Variants in ADAMTS19 observed in about 807,000 individuals in gnomAD.
ADAMTS19 encodes the protein A disintegrin and metalloproteinase with thrombospondin motifs 19.
In ADAMTS19, 93 loss-of-function variants were observed where a neutral mutation model predicts 153.3. That is an observed-to-expected ratio of 0.61 (90% CI 0.51 to 0.72). ADAMTS19 has a LOEUF of 0.72. Ranked by LOEUF, ADAMTS19 falls within the 30% of genes least tolerant of loss-of-function variation. The pLI, the probability that ADAMTS19 is intolerant of heterozygous loss-of-function variation, is 0.00. For missense variants in ADAMTS19, 1,482 were observed against 1,552.1 expected (o/e 0.95, Z 0.76); for synonymous variants, 600 against 556.6 (o/e 1.08, Z -1.10).
Position 129,461,083 on chromosome 5 carries a change from C to T in ADAMTS19, c.92-19C>T. 7.3e-7 allele frequency: 1 copy of T among 1,375,662 alleles called. No homozygotes were observed. The allele number at this position is 1,375,662 out of a possible 1,614,324, so 85.2% of individuals were successfully genotyped here. ...CCGCGGCACTTTAAGCCCCGCACTT[C>T]TGTCTGCCCCGCCCGCAGAGCTGCA... On this transcript the variant is annotated intron_variant, in intron 1 of 22. Coordinates refer to ENST00000274487, the MANE Select transcript of ADAMTS19 (RefSeq NM_133638.6). This position sits in a 1 kb window ranked among gnomAD's most constrained non-coding sequence, Gnocchi z 4.6.
At chr5:129,680,582 C>T (rs2127118097) in intron 17 of ADAMTS19, among the ~76,000 whole-genome samples, 1 of 152,044 alleles carries the variant, frequency 6.6e-6, no homozygotes, top group South Asian at 2.1e-4. Context: ...CACGCTGAAA[C>T]TCCGTCTCTA....
chr5:129,467,265 G>T (rs192432503), intron 2 of ADAMTS19, among the ~76,000 whole-genome samples: 1 of 152,070 alleles, frequency 6.6e-6, no homozygotes, highest in Non-Finnish European at 1.5e-5. Flanking sequence ...GGTGTGTGGC[G>T]TATTAAGTCA....
intron 2 of ADAMTS19, among the ~76,000 whole-genome samples, chr5:129,505,981 A>G (rs565114193): frequency 1.3e-4 from 20 of 152,310 alleles, no homozygotes; most frequent in African/African-American, 4.8e-4. Context: ...TAAAATTCAG[A>G]GGACGATATT....
intron 11 of ADAMTS19, among the ~76,000 whole-genome samples, chr5:129,642,996 G>A (rs1361493527): frequency 1.3e-5 from 2 of 152,074 alleles, no homozygotes; most frequent in Non-Finnish European, 2.9e-5. Context: ...GAGACAAATG[G>A]TCACAATGTA....
chr5:129,591,149 T>C (rs947716185), intron 7 of ADAMTS19, among the ~76,000 whole-genome samples: 1 of 152,212 alleles, frequency 6.6e-6, no homozygotes, highest in African/African-American at 2.4e-5. Flanking sequence ...CATTCAATGG[T>C]ATCACCAAGT....
intron 3 of ADAMTS19, among the ~76,000 whole-genome samples, chr5:129,524,252 T>G (rs1751924620): frequency 6.6e-6 from 1 of 151,990 alleles, no homozygotes; most frequent in African/African-American, 2.4e-5. Context: ...AAACTAGCCA[T>G]ACGCAGAAAA....
intron 7 of ADAMTS19, among the ~76,000 whole-genome samples, chr5:129,557,372 C>T (rs1461324875): frequency 2.0e-5 from 3 of 151,902 alleles, no homozygotes; most frequent in Admixed American, 6.6e-5. Flanking sequence ...CTGAGGCAGG[C>T]AGATTGCTTC....
chr5:129,734,935 T>C lies in ADAMTS19; in HGVS notation c.3316T>C (p.Ser1106Pro). Residue 1106 changes from serine (S) to proline (P), a missense_variant, in exon 22 of 23, where the codon TCA becomes CCA. Ser to Pro is a moderately conservative substitution (Grantham distance 74, BLOSUM62 -1). This residue lies in a region of ADAMTS19 where 616 missense variants were observed against 724.4 expected (regional missense o/e 0.85). Coordinates refer to ENST00000274487, the MANE Select transcript of ADAMTS19 (RefSeq NM_133638.6). Reference protein sequence around the residue: ...VWRMGDWSKCSITCGKGMQSR... With the variant: ...VWRMGDWSKCPITCGKGMQSR... ...ACAAACCTTGTATTTCTCCTAGTGC[T>C]CAATTACCTGTGGCAAAGGAATGCA... is the stretch of plus-strand genomic sequence containing the variant. 1 of 1,566,522 alleles carries C rather than the reference T, an allele frequency of 6.4e-7. No individual in the cohort carries two copies. The highest frequency in any genetic ancestry group is 8.6e-7 in the Non-Finnish European group (1 of 1,159,726).
intron 3 of ADAMTS19, among the ~76,000 whole-genome samples, chr5:129,521,569 T>C (rs558359146): frequency 6.6e-6 from 1 of 152,288 alleles, no homozygotes; most frequent in African/African-American, 2.4e-5. Context: ...TCTATGCATT[T>C]TGACCCCAAA....
At chr5:129,499,551 A>G (rs1030438381) in intron 2 of ADAMTS19, among the ~76,000 whole-genome samples, 7 of 152,140 alleles carry the variant, frequency 4.6e-5, no homozygotes, top group African/African-American at 1.2e-4. Flanking sequence ...AAAGGCCAGC[A>G]GTTTACAAGA....
chr5:129,532,224 T>C (rs1238006777), intron 6 of ADAMTS19, among the ~76,000 whole-genome samples: 1 of 152,122 alleles, frequency 6.6e-6, no homozygotes, highest in Non-Finnish European at 1.5e-5. Flanking sequence ...TTTGAGAAAA[T>C]AGTTGTCATG....
intron 2 of ADAMTS19, among the ~76,000 whole-genome samples, chr5:129,483,440 G>A (rs1750482966): frequency 6.6e-6 from 1 of 152,102 alleles, no homozygotes; most frequent in Admixed American, 6.6e-5. Context: ...TTGTTGTAGG[G>A]GGCTGTCCCA....
At chr5:129,615,443 A>G (rs1946289) in intron 8 of ADAMTS19, among the ~76,000 whole-genome samples, 101,300 of 151,818 alleles carry the variant, frequency 0.67, 35,801 homozygotes, top group Non-Finnish European at 0.8. Flanking sequence ...CATTTCTTAG[A>G]CCTTACCTCT....
At chr5:129,539,023 T>C (rs1046768708) in intron 6 of ADAMTS19, among the ~76,000 whole-genome samples, 2 of 152,164 alleles carry the variant, frequency 1.3e-5, no homozygotes, top group Admixed American at 1.3e-4. Context: ...TGTTTCATGC[T>C]ATACACAGTT....
Position 129,461,844 on chromosome 5 carries a change from C to A in ADAMTS19, c.747+87C>A. The A allele has an allele frequency of 7.0e-7, 1 of 1,437,084 alleles. No homozygotes were observed. Among genetic ancestry groups the A allele is most frequent in the Non-Finnish European group, 9.1e-7 (1 of 1,102,934 alleles). 89.0% of individuals were successfully genotyped at this position (1,437,084 alleles called of 1,614,324 possible). The stretch of plus-strand genomic sequence containing the variant: ...TCAGGATGATTTGCATGCACCTTCT[C>A]CCCTTTCAGTGTGCTCCTTTTGAGC... On this transcript the variant is annotated intron_variant, in intron 2 of 22. Transcript: ENST00000274487. This position sits in a 1 kb window ranked among gnomAD's most constrained non-coding sequence, Gnocchi z 4.6.
intron 22 of ADAMTS19, among the ~76,000 whole-genome samples, chr5:129,736,715 G>A (rs1045451292): frequency 3.9e-5 from 6 of 151,970 alleles, no homozygotes; most frequent in African/African-American, 1.2e-4. Context: ...TCACATAAAG[G>A]TAGATATATT....
At chr5:129,460,620 G>T in intron 1 of ADAMTS19, 138 bp downstream of exon 1, 1 of 896,454 alleles carries the variant, frequency 1.1e-6, no homozygotes, top group Non-Finnish European at 1.8e-6. Context: ...AGCTTGAGGT[G>T]CAGGTTAAGG....
chr5:129,506,044 G>A (rs1751258970), intron 2 of ADAMTS19, among the ~76,000 whole-genome samples: 1 of 152,158 alleles, frequency 6.6e-6, no homozygotes, highest in African/African-American at 2.4e-5. Context: ...AGGGGCACTT[G>A]TGCAGAAAGG....
intron 7 of ADAMTS19, among the ~76,000 whole-genome samples, chr5:129,569,839 G>A (rs1581096451): frequency 1.3e-5 from 2 of 151,802 alleles, no homozygotes; most frequent in South Asian, 2.1e-4. Context: ...GAATGTATAG[G>A]GTTAAATGTT....
Sources: gnomAD v4.1 joint callset for allele counts (sites outside exome capture counted in the v4.1 genomes callset) on GRCh38, gnomAD v4.1.1 for gene constraint, gnomAD v4.1.1 regional missense constraint, Gnocchi (gnomAD v3.1) non-coding constraint, MANE v1.5 for transcripts, NCBI Gene and HGNC (gene_info 2026-07-23, HGNC 2026-07-21) for gene names.